OVCH2: variants seen among roughly 807,000 people sequenced by gnomAD.
OVCH2 encodes ovochymase 2.
Under a neutral mutation model 73.7 loss-of-function variants are expected in OVCH2, and 88 were observed. The ratio of observed to expected loss-of-function variants is 1.19; its 90% confidence interval spans 1.01 to 1.43. The LOEUF is 1.43. Ranked by LOEUF, OVCH2 falls within the 40% of genes most tolerant of loss-of-function variation. OVCH2 has a pLI of 0.00. For synonymous variants in OVCH2, 265 were observed against 234.5 expected, an observed-to-expected ratio of 1.13 and a Z score of -1.19; for missense variants, 706 against 674.5, an observed-to-expected ratio of 1.05 and a Z score of -0.52.
At chr11:7,704,798 A>C in intron 1 of OVCH2, 124 bp from the exon 2 acceptor site, 1 of 619,638 alleles carries the variant, frequency 1.6e-6, no homozygotes, top group Non-Finnish European at 2.9e-6. Flanking sequence ...ACACATTCAG[A>C]TATCAATAAA....
chr11:7,697,531 C>T (rs1856360125), intron 8 of OVCH2, among the ~76,000 whole-genome samples: 1 of 152,184 alleles, frequency 6.6e-6, no homozygotes, highest in Admixed American at 6.5e-5. Context: ...CTAGCTGTCT[C>T]CCTCAGAACT....
chr11:7,697,544 A>G (rs1311362942), intron 8 of OVCH2, among the ~76,000 whole-genome samples: 1 of 152,096 alleles, frequency 6.6e-6, no homozygotes, highest in Non-Finnish European at 1.5e-5. Context: ...TCAGAACTCA[A>G]TATGCTATAA....
Position 7,695,123 on chromosome 11 carries a change from C to G in OVCH2, c.1348G>C (p.Glu450Gln), listed in dbSNP as rs1462347696. The G allele has an allele frequency of 1.9e-6, 3 of 1,554,088 alleles. No individual in the cohort carries two copies. Among genetic ancestry groups the G allele is most frequent in the Non-Finnish European group, 2.6e-6 (3 of 1,148,300 alleles). The change falls in exon 12 of 16, where the codon GAA becomes CAA. Residue 450 changes from glutamate (E) to glutamine (Q), a missense_variant. Glu to Gln is a conservative substitution (Grantham distance 29). Coordinates refer to ENST00000533663, the MANE Select transcript of OVCH2 (RefSeq NM_198185.7). The part of the protein sequence containing the change: ...EGLIQSLNYP[E>Q]NYSDKANCDW... ...CAGTTAGCCTTGTCACTGTAGTTTT[C>G]AGGATAGTTTAGACTCTGTATGAGA... is the stretch of plus-strand genomic sequence containing the variant.
downstream of OVCH2, among the ~76,000 whole-genome samples, chr11:7,686,097 T>C (rs1407495990): frequency 2.0e-5 from 3 of 152,230 alleles, no homozygotes; most frequent in African/African-American, 7.2e-5. Context: ...CATTTGTATA[T>C]TGGAGATACT....
At position 7,701,757 on chromosome 11, in the gene OVCH2, C is replaced by G. The variant is rs1387257517; in HGVS notation, c.518G>C (p.Gly173Ala). 2.5e-6 allele frequency: 4 copies of G among 1,612,644 alleles called. No individual in the cohort carries two copies. Among genetic ancestry groups the G allele is most frequent in the East Asian group, 2.2e-5 (1 of 44,796 alleles). Residue 173 changes from glycine to alanine, a missense_variant, in exon 5 of 16, where the codon GGT becomes GCT. Physicochemically the swap from Gly to Ala is moderately conservative, Grantham distance 60. Transcript: ENST00000533663. ...LPELREQFEAGFICTTAGWGR... is the reference protein window; with the variant it reads ...LPELREQFEAAFICTTAGWGR... ...CCAGCCTGCAGTTGTACAAATAAAA[C>G]CAGCCTCAAATTGCTCCCGCAGCTC...
At position 7,702,570 on chromosome 11, in the gene OVCH2, CT is replaced by C. The variant is rs538500770; in HGVS notation, c.291-242del. 6.4e-4 allele frequency among the ~76,000 whole-genome samples: 98 copies of C among 152,276 alleles called. 1 individual carries two copies. The highest frequency in any genetic ancestry group is 7.8e-4 in the Non-Finnish European group (53 of 68,012). On this transcript the variant is annotated intron_variant, in intron 3 of 15. Transcript: ENST00000533663. Reference sequence around the variant, plus strand: ...AGCCAAGGATATGATGAATTTAATACTTTGCAATGTTATTTGAAAATATCTA... The same window carrying C: ...AGCCAAGGATATGATGAATTTAATACTTGCAATGTTATTTGAAAATATCTA...
At chr11:7,695,019 A>C (rs1055486046) in intron 12 of OVCH2, 39 bp downstream of exon 12, 1 of 1,534,718 alleles carries the variant, frequency 6.5e-7, no homozygotes, top group Non-Finnish European at 8.8e-7. Context: ...CTATTCTGTG[A>C]ATTTACCATA....
intron 12 of OVCH2, among the ~76,000 whole-genome samples, 199 bp downstream of exon 12, chr11:7,694,859 A>C (rs1334239420): frequency 6.7e-6 from 1 of 149,932 alleles, no homozygotes; most frequent in Non-Finnish European, 1.5e-5. Flanking sequence ...CTAGTGGAAA[A>C]AATGTGTAGT....
chr11:7,691,974 T>C lies in OVCH2; in HGVS notation c.1435A>G (p.Ile479Val), dbSNP rs745682962. 1.9e-6 allele frequency: 3 copies of C among 1,573,222 alleles called. No individual in the cohort carries two copies. Among genetic ancestry groups the C allele is most frequent in the Non-Finnish European group, 2.6e-6 (3 of 1,157,644 alleles). Residue 479 changes from isoleucine to valine, a missense_variant, in exon 13 of 16, where the codon ATA becomes GTA. Transcript: ENST00000533663. ...GAAGTGCAGTCTCCACTTTCTTCTA[T>C]TTCCAGACTCTGAAATGAAAGCTGA... ...LIKLSFQSLEIEESGDCTSDY... is the reference protein window; with the variant it reads ...LIKLSFQSLEVEESGDCTSDY...
At chr11:7,704,772 G>C (rs1856503288) in intron 1 of OVCH2, 98 bp from the exon 2 acceptor site, 2 of 744,938 alleles carry the variant, frequency 2.7e-6, no homozygotes, top group Non-Finnish European at 4.6e-6. Context: ...TGAGACTATG[G>C]TGTATGGTGC....
rs1233258942 is a variant in OVCH2, at chr11:7,696,783, C to G, written c.942G>C (p.Gln314His). Residue 314 changes from glutamine to histidine, a missense_variant, in exon 9 of 16, where the codon CAG becomes CAC. Physicochemically the swap from Gln to His is conservative, Grantham distance 24 (BLOSUM62 0). Coordinates refer to ENST00000533663, the MANE Select transcript of OVCH2 (RefSeq NM_198185.7). Reference protein sequence around the residue: ...RKSSRAWCSEQDVIVSGAEGK... With the variant: ...RKSSRAWCSEHDVIVSGAEGK... ...CCTCAGCCCCGCTGACTATGACATCCTGCTCACTGCACCAGGCTGGGAGGG... is the reference window on the plus strand; with the variant it reads ...CCTCAGCCCCGCTGACTATGACATCGTGCTCACTGCACCAGGCTGGGAGGG... 10 of 1,609,460 alleles carry G rather than the reference C, an allele frequency of 6.2e-6. No individual in the cohort carries two copies. In the Admixed American group the frequency reaches 1.7e-4, roughly 27 times the overall value.
chr11:7,687,308 AAATAAT>A (rs71059120), downstream of OVCH2, among the ~76,000 whole-genome samples: 55 of 132,508 alleles, frequency 4.2e-4, no homozygotes, highest in East Asian at 6.2e-4. Flanking sequence ...ATGGCTGTGG[AAATAAT>A]AATAATAATA....
At chr11:7,706,075 CAG>C (rs1371225330) in intron 1 of OVCH2, 2 of 406,264 alleles carry the variant, frequency 4.9e-6, no homozygotes, top group African/African-American at 2.1e-5. Context: ...GCGAAGAAAA[CAG>C]GGATTGTTTA....
chr11:7,695,700 A>G lies in OVCH2; in HGVS notation c.1152T>C (p.Cys384=). The part of the protein sequence containing the change: ...SLEDRPIGKF[C]GESLPSSILI... The stretch of plus-strand genomic sequence containing the variant: ...GAATGGATGAAGGGAGGCTTTCTCC[A>G]CAAAATTTTCCTGCAGGATGAGAAA... The change falls in exon 11 of 16, where the codon TGT becomes TGC. Residue 384 remains cysteine, a synonymous_variant. Transcript: ENST00000533663. The G allele has an allele frequency of 6.3e-7, 1 of 1,586,614 alleles. No individual in the cohort carries two copies. Among genetic ancestry groups the G allele is most frequent in the Non-Finnish European group, 8.5e-7 (1 of 1,177,490 alleles).
At chr11:7,698,724 T>A (rs1386384965) in intron 8 of OVCH2, 26 bp downstream of exon 8, 1 of 1,606,628 alleles carries the variant, frequency 6.2e-7, no homozygotes, top group Non-Finnish European at 8.5e-7. Flanking sequence ...GTGCTCCTGA[T>A]GGAGCAGCCT....
intron 10 of OVCH2, 50 bp from the exon 11 acceptor site, chr11:7,695,760 C>T (rs748949719): frequency 6.4e-7 from 1 of 1,559,338 alleles, no homozygotes; most frequent in East Asian, 2.4e-5. Context: ...GAAAATAGTT[C>T]CCATTCAATG....
chr11:7,680,393 CT>C, the OVCH2 span, among the ~76,000 whole-genome samples: 973 of 150,348 alleles, frequency 6.5e-3, 13 homozygotes, highest in African/African-American at 0.023. Context: ...AGGACAAACA[CT>C]TTTTTTTTTC....
intron 8 of OVCH2, among the ~76,000 whole-genome samples, chr11:7,697,457 C>G (rs957422575): frequency 6.6e-6 from 1 of 152,158 alleles, no homozygotes. Flanking sequence ...TTCATTCACA[C>G]CCTCCATTTC....
chr11:7,701,912 G>T, intron 4 of OVCH2, 101 bp from the exon 5 acceptor site: 3 of 1,026,752 alleles, frequency 2.9e-6, no homozygotes, highest in South Asian at 1.5e-5. Context: ...AAGACCTCAT[G>T]AGAGTTGTGA....
Sources: gnomAD v4.1 joint callset for allele counts (sites outside exome capture counted in the v4.1 genomes callset) on GRCh38, gnomAD v4.1.1 for gene constraint, MANE v1.5 for transcripts, NCBI Gene and HGNC (gene_info 2026-07-23, HGNC 2026-07-21) for gene names.